TTLL4: variants seen among roughly 807,000 people sequenced by gnomAD.
TTLL4 encodes the protein tubulin monoglutamylase TTLL4.
TTLL4 carries 85 observed loss-of-function variants against 122.7 expected under a neutral mutation model. The observed-to-expected ratio is 0.69, with a 90% CI of 0.58 to 0.83. TTLL4 has a LOEUF of 0.83. TTLL4 is among the 40% of genes least tolerant of loss of function. TTLL4 has a pLI of 0.00. For synonymous variants in TTLL4, 553 were observed against 563.0 expected (o/e 0.98, Z 0.25); for missense variants, 1,363 against 1,488.6 (o/e 0.92, Z 1.39).
At position 218,754,237 on chromosome 2, in the gene TTLL4, A is replaced by G. The variant is rs1216039719; in HGVS notation, c.3448A>G (p.Ser1150Gly). The stretch of plus-strand genomic sequence containing the variant: ...CCTTTCCCCTTATCCCCAGAAACCC[A>G]GTTCCTCAAAGGACAGTGAGGACAC... ...AGLSPYPQKP[S>G]SSKDSEDTSK... The change falls in exon 20 of 20, where the codon AGT becomes GGT. Residue 1150 changes from serine to glycine, a missense_variant. Ser to Gly is a moderately conservative substitution (Grantham distance 56). This residue lies in a region of TTLL4 where 596 missense variants were observed against 655.8 expected (regional missense o/e 0.91). Coordinates refer to ENST00000392102, the MANE Select transcript of TTLL4 (RefSeq NM_014640.5). 8 of 1,614,042 alleles carry G rather than the reference A, an allele frequency of 5.0e-6. No individual in the cohort carries two copies. The Admixed American group carries it at 1.2e-4, about 24-fold the overall frequency.
At chr2:218,737,349 T>G (rs1437077445) in intron 2 of TTLL4, among the ~76,000 whole-genome samples, 4 of 152,150 alleles carry the variant, frequency 2.6e-5, no homozygotes, top group Non-Finnish European at 5.9e-5. Flanking sequence ...TGGTGGCACC[T>G]CAGTGTTTTA....
Position 218,716,585 on chromosome 2 carries a change from C to T in TTLL4, c.-178+5548C>T, listed in dbSNP as rs983509806. Reference sequence around the variant, plus strand: ...CGGGCAGATCACAAGGTCAGGAGATCGAGGCCATCCTGGCTAACACGGTGA... The same window carrying T: ...CGGGCAGATCACAAGGTCAGGAGATTGAGGCCATCCTGGCTAACACGGTGA... On this transcript the variant is annotated intron_variant, in intron 1 of 19. Coordinates refer to ENST00000392102, the MANE Select transcript of TTLL4 (RefSeq NM_014640.5). Among the ~76,000 whole-genome samples the T allele has an allele frequency of 4.4e-4, 67 of 152,252 alleles. 1 individual carries two copies. Among genetic ancestry groups the T allele is most frequent in the East Asian group, 1.4e-3 (7 of 5,184 alleles).
At position 218,741,355 on chromosome 2, in the gene TTLL4, G is replaced by C. The variant is rs115380282; in HGVS notation, c.1661+771G>C. ...TTTTAATTAAAACCTGTATATCACT[G>C]GGCTTGACCAATATATGGAGCACCC... On this transcript the variant is annotated intron_variant, in intron 5 of 19. Coordinates refer to ENST00000392102, the MANE Select transcript of TTLL4 (RefSeq NM_014640.5). 2.8e-3 allele frequency among the ~76,000 whole-genome samples: 426 copies of C among 152,264 alleles called. 2 individuals carry two copies. The highest frequency in any genetic ancestry group is 9.3e-3 in the African/African-American group (388 of 41,550).
intron 1 of TTLL4, among the ~76,000 whole-genome samples, chr2:218,724,525 A>G (rs540149705): frequency 2.6e-5 from 4 of 152,224 alleles, no homozygotes; most frequent in Admixed American, 6.5e-5. Flanking sequence ...AACATGCCGT[A>G]TTTGTCTTTC....
rs1301080295 is a variant in TTLL4, at chr2:218,747,867, C to G, written c.2378+142C>G. 7.7e-7 allele frequency: 1 copy of G among 1,301,370 alleles called. No individual in the cohort carries two copies. Among genetic ancestry groups the G allele is most frequent in the Non-Finnish European group, 1.1e-6 (1 of 945,622 alleles). The allele number at this position is 1,301,370 out of a possible 1,614,324, so 80.6% of individuals were successfully genotyped here. A position where few individuals can be genotyped will look rare whatever the true frequency, so the allele number is the denominator to read the frequency against. ...AGGAAATGGGAAATATGGAGGCTCT[C>G]TACTTCGTTAAATCTGGGGAGGGTC... is the stretch of plus-strand genomic sequence containing the variant. On this transcript the variant is annotated intron_variant, in intron 11 of 19. Transcript: ENST00000392102. The surrounding 1 kb of genome is among the most constrained non-coding windows in gnomAD (Gnocchi z 4.7).
chr2:218,749,179 CTT>C, intron 13 of TTLL4, 72 bp from the exon 14 acceptor site: 8 of 1,575,916 alleles, frequency 5.1e-6, no homozygotes, highest in Non-Finnish European at 6.9e-6. Flanking sequence ...CTGGGCCACT[CTT>C]TTGGCAGGAT....
intron 1 of TTLL4, among the ~76,000 whole-genome samples, chr2:218,726,510 G>C (rs1251922127): frequency 1.3e-5 from 2 of 152,166 alleles, no homozygotes; most frequent in Non-Finnish European, 2.9e-5. Context: ...GTCAGGCCCA[G>C]GCTGGAGTGC....
intron 1 of TTLL4, among the ~76,000 whole-genome samples, chr2:218,714,494 G>C (rs1277406731): frequency 6.6e-6 from 1 of 152,160 alleles, no homozygotes; most frequent in African/African-American, 2.4e-5. Flanking sequence ...ACAGAGAAAA[G>C]CTTTTCCTTT....
intron 12 of TTLL4, 109 bp downstream of exon 12, chr2:218,748,336 G>C (rs1278698957): frequency 1.4e-6 from 2 of 1,468,042 alleles, no homozygotes; most frequent in African/African-American, 2.8e-5. Flanking sequence ...ATAAGACCCA[G>C]AGATAACACT....
At position 218,738,486 on chromosome 2, in the gene TTLL4, G is replaced by A. The variant is rs754199020; in HGVS notation, c.810G>A (p.Val270=). The part of the protein sequence containing the change: ...DCAPQPVDHK[V]PKSIGTVPAD... ...CACCGCAGCCTGTTGACCATAAGGT[G>A]CCCAAAAGCATTGGCACTGTCCCAG... The change falls in exon 3 of 20, where the codon GTG becomes GTA. Residue 270 remains valine, a synonymous_variant. Coordinates refer to ENST00000392102, the MANE Select transcript of TTLL4 (RefSeq NM_014640.5). 1.2e-6 allele frequency: 2 copies of A among 1,614,140 alleles called. No homozygotes were observed. Among genetic ancestry groups the A allele is most frequent in the Non-Finnish European group, 8.5e-7 (1 of 1,180,046 alleles).
chr2:218,714,400 A>G (rs550415081), intron 1 of TTLL4, among the ~76,000 whole-genome samples: 2 of 152,340 alleles, frequency 1.3e-5, no homozygotes, highest in South Asian at 4.1e-4. Context: ...GATTCCTTCT[A>G]TGACCTTGGA....
Position 218,738,971 on chromosome 2 carries a change from A to T in TTLL4, c.1295A>T (p.Asn432Ile). 6.2e-7 allele frequency: 1 copy of T among 1,614,172 alleles called. No individual in the cohort carries two copies. The highest frequency in any genetic ancestry group is 8.5e-7 in the Non-Finnish European group (1 of 1,180,036). ...CTTGCCTCACATGCCAGTGGGCTCA[A>T]TCACAACCCTGCCTGTGAATCTGTA... is the stretch of plus-strand genomic sequence containing the variant. Reference protein sequence around the residue: ...HLLASHASGLNHNPACESVID... With the variant: ...HLLASHASGLIHNPACESVID... The change falls in exon 3 of 20, where the codon AAT (asparagine) becomes ATT (isoleucine). Residue 432 changes from asparagine to isoleucine, a missense_variant. Around this residue, in one of 3 missense-constraint regions of TTLL4, gnomAD observed 760 missense variants for 808.4 expected, o/e 0.94. Coordinates refer to ENST00000392102, the MANE Select transcript of TTLL4 (RefSeq NM_014640.5).
intron 5 of TTLL4, among the ~76,000 whole-genome samples, chr2:218,744,392 G>C (rs1298185076): frequency 6.6e-6 from 1 of 152,170 alleles, no homozygotes; most frequent in East Asian, 1.9e-4. Context: ...TGATATGTTT[G>C]CTATGTTGAC....
At chr2:218,726,812 C>CT (rs1027573314) in intron 1 of TTLL4, among the ~76,000 whole-genome samples, 228 of 141,656 alleles carry the variant, frequency 1.6e-3, no homozygotes, top group African/African-American at 3.8e-3. Context: ...TTCTTTCTTT[C>CT]TTTTTTTTTT....
At chr2:218,735,590 T>G (rs1424792415) in intron 2 of TTLL4, among the ~76,000 whole-genome samples, 1 of 151,914 alleles carries the variant, frequency 6.6e-6, no homozygotes, top group African/African-American at 2.4e-5. Context: ...AAAACCTCTC[T>G]GCAAATTCCT....
chr2:218,748,990 C>T lies in TTLL4; in HGVS notation c.2600+56C>T, dbSNP rs1182380952. On this transcript the variant is annotated intron_variant, in intron 13 of 19. Transcript: ENST00000392102. ...CCTGCTGCTGACCCCCTCCTTTCTC[C>T]TGGGCCTCACACTGCTGTGCTCTGG... is the stretch of plus-strand genomic sequence containing the variant. 10 of 1,560,842 alleles carry T rather than the reference C, an allele frequency of 6.4e-6. No homozygotes were observed. The African/African-American group carries it at 9.5e-5, about 15-fold the overall frequency.
chr2:218,753,601 A>C lies in TTLL4; in HGVS notation c.3276A>C (p.Ser1092=). The change falls in exon 19 of 20, where the codon TCA becomes TCC. Residue 1092 remains serine, a synonymous_variant. Coordinates refer to ENST00000392102, the MANE Select transcript of TTLL4 (RefSeq NM_014640.5). ...GCTCTTAGTGGTCTCTCCCGACATCACTTCTGACTATCTCAAAGGATGACG... is the reference window on the plus strand; with the variant it reads ...GCTCTTAGTGGTCTCTCCCGACATCCCTTCTGACTATCTCAAAGGATGACG... ...DSAPVWSLPT[S]LLTISKDDVI... 1.2e-6 allele frequency: 2 copies of C among 1,614,148 alleles called. No homozygotes were observed. Among genetic ancestry groups the C allele is most frequent in the Non-Finnish European group, 1.7e-6 (2 of 1,180,032 alleles).
chr2:218,711,878 C>T lies in TTLL4; in HGVS notation c.-178+841C>T, dbSNP rs1225111431. Among the ~76,000 whole-genome samples, 4 of 150,612 alleles carry T rather than the reference C, an allele frequency of 2.7e-5. 1 individual carries two copies. The highest frequency in any genetic ancestry group is 5.9e-5 in the Non-Finnish European group (4 of 67,532). ...TGCTTTCTCAGATACTACAAATCAC[C>T]TATTCTTTAACTGCAGCACCTGTTG... On this transcript the variant is annotated intron_variant, in intron 1 of 19. Coordinates refer to ENST00000392102, the MANE Select transcript of TTLL4 (RefSeq NM_014640.5).
intron 5 of TTLL4, among the ~76,000 whole-genome samples, chr2:218,744,605 A>G (rs1001697207): frequency 6.6e-6 from 1 of 152,204 alleles, no homozygotes; most frequent in Non-Finnish European, 1.5e-5. Context: ...ACCTAAATAT[A>G]AAATGAACTG....
Sources: allele counts gnomAD v4.1 joint callset (sites outside exome capture counted in the v4.1 genomes callset), GRCh38; gene constraint gnomAD v4.1.1; regional missense constraint gnomAD v4.1.1; non-coding constraint Gnocchi (gnomAD v3.1); transcripts MANE v1.5; gene names NCBI Gene and HGNC (gene_info 2026-07-23, HGNC 2026-07-21).